Variants in EPHA5 observed in about 807,000 individuals in gnomAD.
EPHA5 encodes ephrin type-A receptor 5.
EPHA5 carries 60 observed loss-of-function variants against 105.0 expected under a neutral mutation model. That is an observed-to-expected ratio of 0.57 (90% CI 0.46 to 0.71). The LOEUF is 0.71. EPHA5 is among the 30% of genes least tolerant of loss of function. The pLI is 0.00. For synonymous variants in EPHA5, 513 were observed against 449.1 expected, an observed-to-expected ratio of 1.14 and a Z score of -1.80; for missense variants, 1,218 against 1,274.7, an observed-to-expected ratio of 0.96 and a Z score of 0.68.
intron 3 of EPHA5, among the ~76,000 whole-genome samples, chr4:65,580,944 C>G (rs188498543): frequency 3.3e-5 from 5 of 151,708 alleles, no homozygotes; most frequent in Non-Finnish European, 7.4e-5. Context: ...CAAGAGATTT[C>G]GAAAATGTAG....
chr4:65,581,215 A>T (rs1741586801), intron 3 of EPHA5, among the ~76,000 whole-genome samples: 1 of 151,788 alleles, frequency 6.6e-6, no homozygotes, highest in Admixed American at 6.6e-5. Context: ...TTTGTTGAAG[A>T]TGCTCTATAT....
At position 65,482,975 on chromosome 4, in the gene EPHA5, A is replaced by T. The variant is rs570077428; in HGVS notation, c.1402+7402T>A. 2.9e-3 allele frequency among the ~76,000 whole-genome samples: 444 copies of T among 151,968 alleles called. 1 individual carries two copies. Among genetic ancestry groups the T allele is most frequent in the African/African-American group, 9.7e-3 (402 of 41,440 alleles). On this transcript the variant is annotated intron_variant, in intron 5 of 16. Transcript: ENST00000613740. ...TGCTGCACCCATTGACTCGTCATTT[A>T]CATTAGGTATATCTCCTAATGCTAT... is the stretch of plus-strand genomic sequence containing the variant.
At chr4:65,334,743 A>T (rs1721007366) in intron 15 of EPHA5, among the ~76,000 whole-genome samples, 1 of 152,014 alleles carries the variant, frequency 6.6e-6, no homozygotes, top group African/African-American at 2.4e-5. Flanking sequence ...TTATTTAGAA[A>T]TTTTTAAATG....
At chr4:65,367,218 T>C in intron 9 of EPHA5, 139 bp downstream of exon 9, 1 of 692,070 alleles carries the variant, frequency 1.4e-6, no homozygotes, top group East Asian at 2.8e-5. Context: ...TACAGGAATG[T>C]AACAAATAGA....
chr4:65,412,614 G>A (rs2149013371), intron 7 of EPHA5, among the ~76,000 whole-genome samples: 1 of 152,126 alleles, frequency 6.6e-6, no homozygotes, highest in Admixed American at 6.6e-5. Flanking sequence ...TAAAAATAAT[G>A]CTACAATCTA....
intron 10 of EPHA5, 49 bp downstream of exon 10, chr4:65,365,883 C>T (rs1398488059): frequency 1.9e-6 from 3 of 1,578,106 alleles, no homozygotes; most frequent in Admixed American, 1.7e-5. Flanking sequence ...ATATTACATT[C>T]TGGAATGCAA....
chr4:65,466,410 G>T (rs1376118320), intron 5 of EPHA5, among the ~76,000 whole-genome samples: 2 of 152,202 alleles, frequency 1.3e-5, no homozygotes, highest in Non-Finnish European at 2.9e-5. Context: ...AAATGATAAA[G>T]TTCCAGAACC....
rs558563022 is a variant in EPHA5, at chr4:65,621,250, T to G, written c.247-18946A>C. Among the ~76,000 whole-genome samples the G allele has an allele frequency of 1.8e-4, 28 of 152,292 alleles. No homozygotes were observed. In the South Asian group the frequency reaches 5.8e-3, roughly 32 times the overall value. On this transcript the variant is annotated intron_variant, in intron 2 of 16. Coordinates refer to ENST00000613740, the MANE Select transcript of EPHA5 (RefSeq NM_001281766.3). ...CACAAATTGCCTCATTCTTTACATA[T>G]GCCTGTTTTGACAATATGCACCAGC... is the stretch of plus-strand genomic sequence containing the variant.
At position 65,650,559 on chromosome 4, in the gene EPHA5, C is replaced by CAAAAAAAAAAAAAA. The variant is rs59357895; in HGVS notation, c.182-7133_182-7132insTTTTTTTTTTTTTT. On this transcript the variant is annotated intron_variant, in intron 1 of 16. Transcript: ENST00000613740. ...TGGGCAACAGAGTGAGACTCAGTCT[C>CAAAAAAAAAAAAAA]AAAAAAAAAAAAAGAGCTAGTTGTT... Among the ~76,000 whole-genome samples, 45 of 116,966 alleles carry CAAAAAAAAAAAAAA rather than the reference C, an allele frequency of 3.8e-4. 2 individuals are homozygous for CAAAAAAAAAAAAAA. Among genetic ancestry groups the CAAAAAAAAAAAAAA allele is most frequent in the African/African-American group, 1.5e-3 (41 of 27,158 alleles). 76.7% of individuals were successfully genotyped at this position (116,966 alleles called of 152,430 possible).
intron 3 of EPHA5, among the ~76,000 whole-genome samples, chr4:65,509,075 T>G (rs7690150): frequency 0.23 from 34,300 of 152,012 alleles, 4,067 homozygotes; most frequent in Middle Eastern, 0.33. Context: ...CTAATGAAGT[T>G]CATTTGGTAA....
At chr4:65,536,261 T>C (rs1160723657) in intron 3 of EPHA5, among the ~76,000 whole-genome samples, 4 of 152,006 alleles carry the variant, frequency 2.6e-5, no homozygotes, top group South Asian at 4.1e-4. Flanking sequence ...AATTTATTAC[T>C]GTGATAGGAC....
At chr4:65,402,532 C>T (rs139429886) in intron 8 of EPHA5, among the ~76,000 whole-genome samples, 2 of 152,164 alleles carry the variant, frequency 1.3e-5, no homozygotes, top group East Asian at 3.9e-4. Context: ...GATGTGTATT[C>T]CTTAATAAAT....
intron 14 of EPHA5, among the ~76,000 whole-genome samples, chr4:65,346,085 T>TC (rs375505865): frequency 0.081 from 807 of 10,006 alleles, 8 homozygotes; most frequent in African/African-American, 0.18. Context: ...TTTCTCTCTC[T>TC]TTTTTTTTTT....
chr4:65,365,658 TA>T (rs1717812451), intron 10 of EPHA5, among the ~76,000 whole-genome samples: 1 of 71,336 alleles, frequency 1.4e-5, no homozygotes, highest in Admixed American at 1.3e-4. Context: ...ACTATATATA[TA>T]TATATATATA....
intron 14 of EPHA5, 37 bp downstream of exon 14, chr4:65,348,017 T>C (rs2148841170): frequency 6.6e-7 from 1 of 1,522,254 alleles, no homozygotes; most frequent in Non-Finnish European, 8.8e-7. Flanking sequence ...ACAAAGCATT[T>C]CATTGTCAAG....
chr4:65,374,007 C>A (rs112713344), intron 8 of EPHA5, among the ~76,000 whole-genome samples: 1 of 151,954 alleles, frequency 6.6e-6, no homozygotes, highest in African/African-American at 2.4e-5. Flanking sequence ...AGCACAAACA[C>A]AGATGAATAT....
At chr4:65,521,965 T>A (rs2149282206) in intron 3 of EPHA5, among the ~76,000 whole-genome samples, 1 of 152,128 alleles carries the variant, frequency 6.6e-6, no homozygotes, top group South Asian at 2.1e-4. Flanking sequence ...CTGAAAATCA[T>A]TATGTAACTT....
chr4:65,588,595 G>T (rs549688467), intron 3 of EPHA5, among the ~76,000 whole-genome samples: 2 of 152,180 alleles, frequency 1.3e-5, no homozygotes, highest in South Asian at 4.1e-4. Flanking sequence ...CTTCCTGAAT[G>T]CTTAATTTCT....
intron 7 of EPHA5, among the ~76,000 whole-genome samples, chr4:65,411,811 T>C (rs1722939217): frequency 6.6e-6 from 1 of 152,196 alleles, no homozygotes. Flanking sequence ...TGATTCTTTA[T>C]TAGACAATAG....
Sources: allele counts gnomAD v4.1 joint callset (sites outside exome capture counted in the v4.1 genomes callset), GRCh38; gene constraint gnomAD v4.1.1; transcripts MANE v1.5; gene names NCBI Gene and HGNC (gene_info 2026-07-23, HGNC 2026-07-21).